Variants in DGKQ observed in about 807,000 individuals in gnomAD.
DGKQ encodes the protein diacylglycerol kinase theta.
Under a neutral mutation model 104.2 loss-of-function variants are expected in DGKQ, and 97 were observed. The ratio of observed to expected loss-of-function variants is 0.93; its 90% CI spans 0.79 to 1.10. The LOEUF (loss-of-function observed/expected upper bound fraction) is 1.10, where lower values mean the gene tolerates loss of function less well. Among genes scored for constraint, DGKQ ranks in the 50% least tolerant of loss-of-function variants. The probability of loss-of-function intolerance (pLI) is 0.00; values close to 1 mark genes in which losing one functional copy is unlikely to be tolerated. For missense variants in DGKQ, 1,465 were observed against 1,352.1 expected (o/e 1.08, Z -1.31); for synonymous variants, 736 against 595.2 (o/e 1.24, Z -3.44).
chr4:961,396 G>C lies in DGKQ; in HGVS notation c.2574+71C>G. The C allele has an allele frequency of 3.4e-6, 5 of 1,477,934 alleles. No individual in the cohort carries two copies. In the South Asian group the frequency reaches 6.3e-5, roughly 19 times the overall value. 91.6% of individuals were successfully genotyped at this position (1,477,934 alleles called of 1,614,324 possible). A position where few individuals can be genotyped will look rare whatever the true frequency, so the allele number is the denominator to read the frequency against. ...CTGGACCTGGCCCTGGGGCGGGAGA[G>C]GCCAGCTGGGCTCAGCGGGGACCGG... On this transcript the variant is annotated intron_variant, in intron 21 of 22. Coordinates refer to ENST00000273814, the MANE Select transcript of DGKQ (RefSeq NM_001347.4).
intron 17 of DGKQ, 75 bp downstream of exon 17, chr4:962,696 GC>G (rs1711980660): frequency 5.7e-6 from 9 of 1,590,272 alleles, no homozygotes; most frequent in Non-Finnish European, 6.8e-6. Flanking sequence ...AGGACAGCCA[GC>G]CCAGGCCTCG....
At chr4:965,566 G>A (rs200419203) in intron 13 of DGKQ, 37 bp from the exon 14 acceptor site, 24 of 1,607,150 alleles carry the variant, frequency 1.5e-5, no homozygotes, top group South Asian at 5.6e-5. Flanking sequence ...GGTGGGAGGC[G>A]AAGGACACAC....
At chr4:960,948 C>T (rs902946136) in intron 22 of DGKQ, 101 bp downstream of exon 22, 28 of 1,540,898 alleles carry the variant, frequency 1.8e-5, no homozygotes, top group Middle Eastern at 1.7e-4. Context: ...GCTCCCTGGC[C>T]GCAGCCGGCC....
At chr4:965,903 C>CCA in intron 13 of DGKQ, 25 bp downstream of exon 13, 2 of 1,571,278 alleles carry the variant, frequency 1.3e-6, no homozygotes, top group Non-Finnish European at 1.7e-6. Flanking sequence ...TGCCAGCAGC[C>CCA]CACGGCCAGC....
rs774617334 is a variant in DGKQ, at chr4:961,520, G to A, written c.2521C>T (p.Arg841Cys). ...ACCTCCAGCAGCCCGTCGTCCATGC[G>A]TGGCTTCTCAAACCTGGTGTCGCTG... is the stretch of plus-strand genomic sequence containing the variant. ...SDSDTRFEKPRMDDGLLEVVG... is the reference protein window; with the variant it reads ...SDSDTRFEKPCMDDGLLEVVG... The change falls in exon 21 of 23, where the codon CGC becomes TGC. Residue 841 changes from arginine (R) to cysteine (C), a missense_variant. Arg to Cys is a radical substitution (Grantham distance 180, BLOSUM62 -3). Transcript: ENST00000273814. 27 of 1,609,286 alleles carry A rather than the reference G, an allele frequency of 1.7e-5. No individual in the cohort carries two copies. Among genetic ancestry groups the A allele is most frequent in the Middle Eastern group, 1.7e-4 (1 of 5,884 alleles).
rs537203372 is a variant in DGKQ at position 961,806 on chromosome 4, C to T, written c.2344G>A (p.Val782Met). 1.2e-6 allele frequency: 2 copies of T among 1,607,054 alleles called. No individual in the cohort carries two copies. The highest frequency in any genetic ancestry group is 1.7e-6 in the Non-Finnish European group (2 of 1,177,228). The change falls in exon 20 of 23, where the codon GTG becomes ATG. Residue 782 changes from valine (V) to methionine (M), a missense_variant. Val to Met is a conservative substitution (Grantham distance 21, BLOSUM62 1). Transcript: ENST00000273814. The stretch of plus-strand genomic sequence containing the variant: ...GAGTGACTGATCTTCTGCAGCCCCA[C>T]CCGCACGTACACACCCTTGTTGTGC... ...RLHNKGVYVR[V>M]GLQKISHSRS...
intron 18 of DGKQ, 92 bp downstream of exon 18, chr4:962,343 A>C: frequency 7.6e-7 from 1 of 1,307,304 alleles, no homozygotes; most frequent in Non-Finnish European, 1.0e-6. Flanking sequence ...CGTACACCCG[A>C]GTGTGGCTGG....
At chr4:963,655 C>T (rs573463006) in intron 15 of DGKQ, among the ~76,000 whole-genome samples, 116 of 152,252 alleles carry the variant, frequency 7.6e-4, no homozygotes, top group Non-Finnish European at 1.6e-3. Context: ...TCTGTGCCAG[C>T]GAGACCAAGG....
At position 968,379 on chromosome 4, in the gene DGKQ, C is replaced by T; in HGVS notation, c.566G>A (p.Gly189Glu). ...GCAGCGCGCTCCCGAGGGCAGGTTCCCCTCCCGCCAGTGGTGGTGATGGGT... is the reference window on the plus strand; with the variant it reads ...GCAGCGCGCTCCCGAGGGCAGGTTCTCCTCCCGCCAGTGGTGGTGATGGGT... Reference protein sequence around the residue: ...HDTHHHHWREGNLPSGARCEV... With the variant: ...HDTHHHHWREENLPSGARCEV... Residue 189 changes from glycine (G) to glutamate (E), a missense_variant, in exon 5 of 23, where the codon GGG becomes GAG. Gly to Glu is a moderately conservative substitution (Grantham distance 98, BLOSUM62 -2). Transcript: ENST00000273814. 2 of 1,561,610 alleles carry T rather than the reference C, an allele frequency of 1.3e-6. No homozygotes were observed. Among genetic ancestry groups the T allele is most frequent in the Non-Finnish European group, 1.7e-6 (2 of 1,155,734 alleles).
At chr4:965,876 CGCT>C (rs1429553399) in intron 13 of DGKQ, 49 bp downstream of exon 13, 5 of 1,509,984 alleles carry the variant, frequency 3.3e-6, no homozygotes, top group Non-Finnish European at 4.5e-6. Context: ...CACTGCCTGC[CGCT>C]CGACCCTGCC....
intron 12 of DGKQ, 27 bp downstream of exon 12, chr4:966,439 T>A (rs1368716677): frequency 6.2e-7 from 1 of 1,609,448 alleles, no homozygotes; most frequent in Admixed American, 1.7e-5. Flanking sequence ...GCTGGTTCCC[T>A]GGGGGCCGGC....
In DGKQ at chr4:971,103, CCTGTCCTACCCAATGG is replaced by C; in HGVS notation, c.272-47_272-32del. 2 of 1,513,572 alleles carry C rather than the reference CCTGTCCTACCCAATGG, an allele frequency of 1.3e-6. No homozygotes were observed. The highest frequency in any genetic ancestry group is 3.9e-5 in the Admixed American group (2 of 50,982). The allele number at this position is 1,513,572 out of a possible 1,614,324, so 93.8% of individuals were successfully genotyped here. A position where few individuals can be genotyped will look rare whatever the true frequency, so the allele number is the denominator to read the frequency against. On this transcript the variant is annotated intron_variant, in intron 1 of 22. Transcript: ENST00000273814. The surrounding 1 kb of genome is among the most constrained non-coding windows in gnomAD (Gnocchi z 4.0). ...GGAATGAGCACTGTGTGAGTTGGCC[CCTGTCCTACCCAATGG>C]CTGTCCTACCCAGGAAGTTAGAGGC...
At chr4:966,288 A>C (rs1712329022) in intron 12 of DGKQ, 178 bp downstream of exon 12, 4 of 836,314 alleles carry the variant, frequency 4.8e-6, no homozygotes, top group Non-Finnish European at 7.4e-6. Flanking sequence ...GGAGATCTGC[A>C]GCTCGAGGCC....
chr4:967,856 C>A, intron 6 of DGKQ, 24 bp downstream of exon 6: 1 of 1,484,488 alleles, frequency 6.7e-7, no homozygotes, highest in Non-Finnish European at 8.9e-7. Context: ...CAGCCCAGGG[C>A]GCCCCGGCCG....
In DGKQ at chr4:968,073, G is replaced by A. The variant is rs1440833108; in HGVS notation, c.664-46C>T. 7 of 1,328,688 alleles carry A rather than the reference G, an allele frequency of 5.3e-6. No homozygotes were observed. In the African/African-American group the frequency reaches 1.1e-4, roughly 21 times the overall value. The allele number at this position is 1,328,688 out of a possible 1,614,324, so 82.3% of individuals were successfully genotyped here. A position where few individuals can be genotyped will look rare whatever the true frequency, so the allele number is the denominator to read the frequency against. On this transcript the variant is annotated intron_variant, in intron 5 of 22. Coordinates refer to ENST00000273814, the MANE Select transcript of DGKQ (RefSeq NM_001347.4). ...GCTGGGGGGTTGGAGCCAGGGTGCG[G>A]GGGCACCAGGTGCGCCAGGTCCAGG...
intron 15 of DGKQ, 51 bp from the exon 16 acceptor site, chr4:963,341 C>T: frequency 6.5e-7 from 1 of 1,542,996 alleles, no homozygotes; most frequent in Non-Finnish European, 8.8e-7. Flanking sequence ...GGGGTGTCCC[C>T]ACTGCTGGGG....
In DGKQ at chr4:968,386, G is replaced by T; in HGVS notation, c.559C>A (p.Arg187=). The part of the protein sequence containing the change: ...QDHDTHHHHW[R]EGNLPSGARC... The stretch of plus-strand genomic sequence containing the variant: ...GCTCCCGAGGGCAGGTTCCCCTCCC[G>T]CCAGTGGTGGTGATGGGTGTCCTGC... Residue 187 remains arginine (R), a synonymous_variant, in exon 5 of 23, where the codon CGG becomes AGG. Transcript: ENST00000273814. The T allele has an allele frequency of 6.4e-7, 1 of 1,567,194 alleles. No homozygotes were observed. The highest frequency in any genetic ancestry group is 1.2e-5 in the South Asian group (1 of 85,982).
intron 5 of DGKQ, 66 bp from the exon 6 acceptor site, chr4:968,093 TC>T: frequency 8.5e-7 from 1 of 1,174,714 alleles, no homozygotes; most frequent in Non-Finnish European, 1.1e-6. Context: ...GTGCGCCAGG[TC>T]CAGGGAAAGA....
At chr4:965,735 G>A (rs1712262543) in intron 13 of DGKQ, among the ~76,000 whole-genome samples, 193 bp downstream of exon 13, 1 of 152,212 alleles carries the variant, frequency 6.6e-6, no homozygotes, top group South Asian at 2.1e-4. Context: ...GGCAGAGGCT[G>A]AGCACCGCAG....
Sources: allele counts gnomAD v4.1 joint callset (sites outside exome capture counted in the v4.1 genomes callset), GRCh38; gene constraint gnomAD v4.1.1; non-coding constraint Gnocchi (gnomAD v3.1); transcripts MANE v1.5; gene names NCBI Gene and HGNC (gene_info 2026-07-23, HGNC 2026-07-21).